The following ABCC4 variants were observed in gnomAD, a reference collection of about 807,000 sequenced individuals.
ABCC4 encodes the protein ATP-binding cassette sub-family C member 4.
In ABCC4, 102 loss-of-function variants were observed where a neutral mutation model predicts 168.5. The ratio of observed to expected loss-of-function variants is 0.61; its 90% CI spans 0.52 to 0.71. The LOEUF is 0.71. Ranked by LOEUF, ABCC4 falls within the 30% of genes least tolerant of loss-of-function variation. The pLI is 0.00. For synonymous variants in ABCC4, 617 were observed against 590.7 expected, an observed-to-expected ratio of 1.04 and a Z score of -0.65; for missense variants, 1,402 against 1,605.8, an observed-to-expected ratio of 0.87 and a Z score of 2.17.
chr13:95,289,546 CA>C (rs1480638251), intron 1 of ABCC4, among the ~76,000 whole-genome samples: 1 of 152,162 alleles, frequency 6.6e-6, no homozygotes. Context: ...GCATCTCTAA[CA>C]ACATCCCTGG....
chr13:95,071,617 C>T, intron 25 of ABCC4, 45 bp downstream of exon 25: 2 of 1,385,220 alleles, frequency 1.4e-6, no homozygotes, highest in Non-Finnish European at 1.9e-6. Context: ...AGACATAGCA[C>T]TAAATCTTCT....
chr13:95,168,229 C>T (rs2037349644), intron 14 of ABCC4, among the ~76,000 whole-genome samples: 1 of 152,102 alleles, frequency 6.6e-6, no homozygotes, highest in Non-Finnish European at 1.5e-5. Context: ...TCTAATGTAC[C>T]AGCATTCAGG....
At chr13:95,064,401 T>G (rs2033442110) in intron 25 of ABCC4, among the ~76,000 whole-genome samples, 1 of 151,294 alleles carries the variant, frequency 6.6e-6, no homozygotes, top group East Asian at 2.0e-4. Context: ...TTTTCCAGAC[T>G]TCTATCATTT....
At chr13:95,166,532 G>A (rs577867348) in intron 14 of ABCC4, among the ~76,000 whole-genome samples, 165 bp from the exon 15 acceptor site, 1 of 152,242 alleles carries the variant, frequency 6.6e-6, no homozygotes, top group East Asian at 1.9e-4. Flanking sequence ...ACACAACTGA[G>A]TGTTCTGTTC....
At chr13:95,088,120 T>C in intron 20 of ABCC4, among the ~76,000 whole-genome samples, 1 of 152,188 alleles carries the variant, frequency 6.6e-6, no homozygotes, top group East Asian at 1.9e-4. Flanking sequence ...GAGTGAATGG[T>C]GTAAGGCATT....
At chr13:95,075,665 G>A in intron 21 of ABCC4, 114 bp from the exon 22 acceptor site, 2 of 1,394,668 alleles carry the variant, frequency 1.4e-6, no homozygotes, top group Non-Finnish European at 1.9e-6. Flanking sequence ...CCTCCTAGGA[G>A]GCTTCATGTT....
intron 20 of ABCC4, among the ~76,000 whole-genome samples, chr13:95,090,580 G>T (rs534905087): frequency 2.6e-5 from 4 of 152,312 alleles, no homozygotes; most frequent in African/African-American, 7.2e-5. Context: ...AAAAGGGAGA[G>T]AGTACTATAT....
chr13:95,298,191 G>C (rs2041584074), intron 1 of ABCC4, among the ~76,000 whole-genome samples: 1 of 151,948 alleles, frequency 6.6e-6, no homozygotes, highest in Non-Finnish European at 1.5e-5. Context: ...TGAGAGACTG[G>C]GGCAGGAGAA....
chr13:95,178,529 A>T (rs1178653819), intron 11 of ABCC4, among the ~76,000 whole-genome samples: 1 of 152,212 alleles, frequency 6.6e-6, no homozygotes, highest in Non-Finnish European at 1.5e-5. Flanking sequence ...GGAGGTCAAC[A>T]AGGGCTCTGA....
chr13:95,085,447 AAAAC>A (rs760172961), intron 20 of ABCC4, among the ~76,000 whole-genome samples: 1 of 152,220 alleles, frequency 6.6e-6, no homozygotes, highest in Non-Finnish European at 1.5e-5. Context: ...CTCAAAAAAC[AAAAC>A]AAACAAACAA....
intron 8 of ABCC4, 63 bp downstream of exon 8, chr13:95,206,469 T>C: frequency 6.3e-7 from 1 of 1,582,264 alleles, no homozygotes; most frequent in Non-Finnish European, 8.6e-7. Context: ...TGATGCTAAA[T>C]AAAAGGAGAC....
chr13:95,230,829 T>C (rs2039598746), intron 4 of ABCC4, among the ~76,000 whole-genome samples: 1 of 152,166 alleles, frequency 6.6e-6, no homozygotes. Flanking sequence ...TAATTGTACA[T>C]TCGTGTTCAT....
chr13:95,275,217 G>T (rs566210994), intron 1 of ABCC4, among the ~76,000 whole-genome samples: 5 of 152,240 alleles, frequency 3.3e-5, no homozygotes, highest in Non-Finnish European at 7.3e-5. Flanking sequence ...GAAGTTTGGA[G>T]AGGAAGGGCA....
intron 1 of ABCC4, among the ~76,000 whole-genome samples, chr13:95,265,764 G>GA (rs1295001309): frequency 2.6e-5 from 4 of 151,802 alleles, no homozygotes; most frequent in Admixed American, 6.6e-5. Context: ...CCAGCAAAAT[G>GA]AAAAAAAATC....
chr13:95,209,722 T>G, intron 5 of ABCC4, 125 bp from the exon 6 acceptor site: 1 of 936,912 alleles, frequency 1.1e-6, no homozygotes, highest in Non-Finnish European at 1.5e-6. Context: ...CACAGTGGGT[T>G]TACACCTGCT....
At chr13:95,066,204 T>C (rs2033538510) in intron 25 of ABCC4, among the ~76,000 whole-genome samples, 1 of 152,240 alleles carries the variant, frequency 6.6e-6, no homozygotes, top group Non-Finnish European at 1.5e-5. Flanking sequence ...TTCACATGCA[T>C]TTCGACCTGC....
chr13:95,202,483 A>G (rs1307367021), intron 8 of ABCC4, among the ~76,000 whole-genome samples: 1 of 152,154 alleles, frequency 6.6e-6, no homozygotes, highest in African/African-American at 2.4e-5. Context: ...TAAAGACAAT[A>G]AAACCAAGGC....
In ABCC4 at chr13:95,210,714, T is replaced by C. The variant is rs1435694360; in HGVS notation, c.599A>G (p.Asn200Ser). Residue 200 changes from asparagine to serine, a missense_variant, in exon 5 of 31, where the codon AAT becomes AGT. By Grantham distance (46) the Asn-to-Ser change is conservative. Coordinates refer to ENST00000645237, the MANE Select transcript of ABCC4 (RefSeq NM_005845.5). ...TACCTGATCAAACTTGTTCACATCA[T>C]TGGACAGCAGATTGACTATCTGGCC... ...TTGQIVNLLS[N>S]DVNKFDQVTV... 5.6e-6 allele frequency: 9 copies of C among 1,614,160 alleles called. No homozygotes were observed. The highest frequency in any genetic ancestry group is 2.2e-5 in the South Asian group (2 of 91,086).
At chr13:95,153,799 C>T (rs916001470) in intron 19 of ABCC4, among the ~76,000 whole-genome samples, 1 of 152,140 alleles carries the variant, frequency 6.6e-6, no homozygotes, top group African/African-American at 2.4e-5. Context: ...ACAAGTGCTA[C>T]AGTAATCGCT....
Sources: allele counts gnomAD v4.1 joint callset (sites outside exome capture counted in the v4.1 genomes callset), GRCh38; gene constraint gnomAD v4.1.1; transcripts MANE v1.5; gene names NCBI Gene and HGNC (gene_info 2026-07-23, HGNC 2026-07-21).